The following CNTN5 variants were observed in gnomAD, a reference collection of about 807,000 sequenced individuals.
CNTN5 encodes contactin 5, also known as contactin-5.
A neutral mutation model predicts 129.1 loss-of-function variants in CNTN5; 77 were observed. That is an observed-to-expected ratio of 0.60 (90% confidence interval 0.50 to 0.72). The LOEUF is 0.72. Among genes scored for constraint, CNTN5 ranks in the 30% least tolerant of loss-of-function variants. CNTN5 has a pLI of 0.00. For synonymous variants in CNTN5, 509 were observed against 465.6 expected, an observed-to-expected ratio of 1.09 and a Z score of -1.20; for missense variants, 1,478 against 1,328.8, an observed-to-expected ratio of 1.11 and a Z score of -1.75.
chr11:100,338,694 G>A (rs1357178417), intron 21 of CNTN5, among the ~76,000 whole-genome samples: 3 of 152,178 alleles, frequency 2.0e-5, no homozygotes, highest in Non-Finnish European at 2.9e-5. Flanking sequence ...CCCACAGCCA[G>A]AACAGGCACA....
At chr11:99,487,567 G>A (rs1945866402) in intron 2 of CNTN5, among the ~76,000 whole-genome samples, 1 of 152,184 alleles carries the variant, frequency 6.6e-6, no homozygotes, top group Non-Finnish European at 1.5e-5. Context: ...AGTCTTTGAT[G>A]AAAACATCCT....
intron 9 of CNTN5, among the ~76,000 whole-genome samples, chr11:100,037,266 A>G (rs1942076456): frequency 6.7e-6 from 1 of 150,324 alleles, no homozygotes; most frequent in South Asian, 2.2e-4. Flanking sequence ...ATGCTGGATT[A>G]CATTTATTGA....
chr11:99,085,138 G>A (rs1044140943), intron 1 of CNTN5, among the ~76,000 whole-genome samples: 1 of 151,564 alleles, frequency 6.6e-6, no homozygotes, highest in Non-Finnish European at 1.5e-5. Context: ...TCTGCCTCCT[G>A]GGTTGAAGCC....
intron 2 of CNTN5, among the ~76,000 whole-genome samples, chr11:99,504,959 A>G (rs1029871264): frequency 6.6e-6 from 1 of 152,212 alleles, no homozygotes; most frequent in Admixed American, 6.5e-5. Flanking sequence ...GAAAGAGGCA[A>G]GCAGAAATAA....
Position 99,874,932 on chromosome 11 carries a change from C to A in CNTN5, c.577+29670C>A, listed in dbSNP as rs763435805. On this transcript the variant is annotated intron_variant, in intron 6 of 24. Transcript: ENST00000524871. Reference sequence around the variant, plus strand: ...CCCTAATAGTCTGTGCCAGCTTCCTCTCAGTGTGCTGTGACAAGCCACAAA... The same window carrying A: ...CCCTAATAGTCTGTGCCAGCTTCCTATCAGTGTGCTGTGACAAGCCACAAA... Among the ~76,000 whole-genome samples the A allele has an allele frequency of 1.1e-4, 16 of 152,122 alleles. 1 individual carries two copies. The highest frequency in any genetic ancestry group is 2.4e-4 in the Non-Finnish European group (16 of 68,012).
intron 8 of CNTN5, among the ~76,000 whole-genome samples, chr11:99,965,780 G>GTGTGGGAGTCTAAGTCTCTT (rs1201167487): frequency 6.6e-6 from 1 of 152,032 alleles, no homozygotes; most frequent in African/African-American, 2.4e-5. Flanking sequence ...TCCCACTATT[G>GTGTGGGAGTCTAAGTCTCTT]TGTGGGAGTC....
chr11:99,621,150 A>G (rs1309148558), intron 3 of CNTN5, among the ~76,000 whole-genome samples: 1 of 152,204 alleles, frequency 6.6e-6, no homozygotes, highest in Non-Finnish European at 1.5e-5. Context: ...ACTATGGAGC[A>G]TGTAGGATTG....
intron 15 of CNTN5, among the ~76,000 whole-genome samples, chr11:100,222,655 A>AT (rs771911071): frequency 9.2e-5 from 14 of 151,734 alleles, no homozygotes; most frequent in Non-Finnish European, 1.8e-4. Flanking sequence ...AAGCAAGCAA[A>AT]TAAAAAAAAA....
At chr11:99,966,876 A>T (rs1298236947) in intron 8 of CNTN5, among the ~76,000 whole-genome samples, 1 of 152,176 alleles carries the variant, frequency 6.6e-6, no homozygotes, top group Non-Finnish European at 1.5e-5. Context: ...GGTGACATAT[A>T]TATGAATATG....
rs188730372 is a variant in CNTN5, at chr11:99,792,528, C to G, written c.56-27016C>G. Among the ~76,000 whole-genome samples the G allele has an allele frequency of 1.9e-3, 204 of 108,456 alleles. 1 individual carries two copies. The highest frequency in any genetic ancestry group is 8.7e-3 in the African/African-American group (193 of 22,218). 71.2% of individuals were successfully genotyped at this position (108,456 alleles called of 152,430 possible). A position where few individuals can be genotyped will look rare whatever the true frequency, so the allele number is the denominator to read the frequency against. On this transcript the variant is annotated intron_variant, in intron 3 of 24. Coordinates refer to ENST00000524871, the MANE Select transcript of CNTN5 (RefSeq NM_014361.4). ...AATCTATGATTATTGAGGATATTGG[C>G]CTGAAGAGGGGTGTGTGTGTGTGTG...
At position 99,556,795 on chromosome 11, in the gene CNTN5, C is replaced by T. The variant is rs997722748; in HGVS notation, c.55+526C>T. Among the ~76,000 whole-genome samples, 4 of 150,440 alleles carry T rather than the reference C, an allele frequency of 2.7e-5. No homozygotes were observed. The South Asian group carries it at 8.3e-4, about 31-fold the overall frequency. On this transcript the variant is annotated intron_variant, in intron 3 of 24. Coordinates refer to ENST00000524871, the MANE Select transcript of CNTN5 (RefSeq NM_014361.4). ...GCATCTCTAACACAATGTATTTTTT[C>T]AGATTGTCTCACCTTCTCTGACTTT...
chr11:99,596,911 G>T (rs1172174943), intron 3 of CNTN5, among the ~76,000 whole-genome samples: 1 of 152,106 alleles, frequency 6.6e-6, no homozygotes, highest in Non-Finnish European at 1.5e-5. Flanking sequence ...GAAAAATGAT[G>T]ACCTGTTCTG....
At chr11:99,989,191 A>G (rs1476036119) in intron 8 of CNTN5, among the ~76,000 whole-genome samples, 4 of 152,180 alleles carry the variant, frequency 2.6e-5, no homozygotes, top group African/African-American at 9.7e-5. Context: ...AGTCCCATAG[A>G]AGTATTCAGA....
chr11:100,135,069 C>G (rs1946481409), intron 13 of CNTN5, among the ~76,000 whole-genome samples: 1 of 151,704 alleles, frequency 6.6e-6, no homozygotes, highest in Non-Finnish European at 1.5e-5. Flanking sequence ...ATTATATTTT[C>G]TCTTGGGATT....
At chr11:100,032,260 G>A (rs1941752030) in intron 9 of CNTN5, among the ~76,000 whole-genome samples, 2 of 151,958 alleles carry the variant, frequency 1.3e-5, no homozygotes, top group African/African-American at 4.8e-5. Context: ...GTGTTCTAGT[G>A]CTTTTTTTGC....
rs184456423 is a variant in CNTN5 at position 100,062,876 on chromosome 11, T to A, written c.1162+1483T>A. ...AACGCTCTCTAGCCATAGGGAAAAG[T>A]TTTTTTCTGTACCCCAGTGGAGCAA... is the stretch of plus-strand genomic sequence containing the variant. On this transcript the variant is annotated intron_variant, in intron 10 of 24. Coordinates refer to ENST00000524871, the MANE Select transcript of CNTN5 (RefSeq NM_014361.4). Among the ~76,000 whole-genome samples the A allele has an allele frequency of 1.1e-4, 17 of 152,276 alleles. No homozygotes were observed. The East Asian group carries it at 2.9e-3, about 26-fold the overall frequency.
intron 3 of CNTN5, among the ~76,000 whole-genome samples, chr11:99,705,641 G>A (rs1954723588): frequency 6.6e-6 from 1 of 151,456 alleles, no homozygotes; most frequent in African/African-American, 2.4e-5. Flanking sequence ...AAGAAATGCA[G>A]TTGTTTATAA....
intron 18 of CNTN5, among the ~76,000 whole-genome samples, chr11:100,283,744 G>A (rs541529482): frequency 6.6e-6 from 1 of 152,024 alleles, no homozygotes; most frequent in Non-Finnish European, 1.5e-5. Context: ...TCAGGAGTTC[G>A]AGACCAGCCT....
At chr11:99,940,824 T>A (rs1019602383) in intron 7 of CNTN5, among the ~76,000 whole-genome samples, 12 of 152,194 alleles carry the variant, frequency 7.9e-5, no homozygotes, top group African/African-American at 2.9e-4. Flanking sequence ...TACATTTTGA[T>A]GGAATTTCCT....
Sources: gnomAD v4.1 joint callset for allele counts (sites outside exome capture counted in the v4.1 genomes callset) on GRCh38, gnomAD v4.1.1 for gene constraint, MANE v1.5 for transcripts, NCBI Gene and HGNC (gene_info 2026-07-23, HGNC 2026-07-21) for gene names.